The following ASTN2 variants were observed in gnomAD, a reference collection of about 807,000 sequenced individuals.
The protein encoded by ASTN2 is astrotactin 2.
ASTN2 carries 54 observed loss-of-function variants against 139.8 expected under a neutral mutation model. The ratio of observed to expected loss-of-function variants is 0.39; its 90% confidence interval spans 0.31 to 0.48. The LOEUF is 0.48. Among genes scored for constraint, ASTN2 ranks in the 20% least tolerant of loss-of-function variants. The pLI is 0.95. For synonymous variants in ASTN2, 756 were observed against 719.5 expected (o/e 1.05, Z -0.81); for missense variants, 1,565 against 1,725.1 (o/e 0.91, Z 1.64).
intron 19 of ASTN2, among the ~76,000 whole-genome samples, chr9:116,503,013 TGAAAG>T (rs960313516): frequency 4.6e-5 from 4 of 87,488 alleles, no homozygotes; most frequent in African/African-American, 1.4e-4. Flanking sequence ...GGAAGGAAGA[TGAAAG>T]GAAAGAAAAA....
chr9:116,584,878 A>C (rs1854086414), intron 19 of ASTN2: 1 of 152,234 alleles, frequency 6.6e-6, no homozygotes, highest in Admixed American at 6.5e-5. Flanking sequence ...AAGAGAAAGC[A>C]AGACTAGATG....
At chr9:117,266,072 G>T (rs1393511664) in intron 2 of ASTN2, among the ~76,000 whole-genome samples, 1 of 152,172 alleles carries the variant, frequency 6.6e-6, no homozygotes, top group African/African-American at 2.4e-5. Flanking sequence ...CCTAGGTTGT[G>T]CCAGACAGAT....
At chr9:116,730,469 G>T (rs1487553897) in intron 14 of ASTN2, among the ~76,000 whole-genome samples, 2 of 152,108 alleles carry the variant, frequency 1.3e-5, no homozygotes, top group East Asian at 1.9e-4. Context: ...GAGGTTGTTT[G>T]TTATAAATAC....
At chr9:116,510,983 G>A (rs1183142973) in intron 19 of ASTN2, among the ~76,000 whole-genome samples, 5 of 152,010 alleles carry the variant, frequency 3.3e-5, no homozygotes, top group Admixed American at 6.6e-5. Context: ...TCCTAATTGA[G>A]TACCCTTTAT....
At chr9:117,045,868 A>G (rs946445720) in intron 5 of ASTN2, among the ~76,000 whole-genome samples, 2 of 152,140 alleles carry the variant, frequency 1.3e-5, no homozygotes, top group Middle Eastern at 3.4e-3. Context: ...GTGGTGGGGG[A>G]AAGGGATTCT....
intron 6 of ASTN2, among the ~76,000 whole-genome samples, chr9:117,014,488 T>C (rs561466464): frequency 1.3e-5 from 2 of 152,280 alleles, no homozygotes; most frequent in East Asian, 3.9e-4. Flanking sequence ...TCCGGTTATC[T>C]CTGTCTTCAC....
chr9:117,202,503 T>C (rs1831759058), intron 3 of ASTN2, among the ~76,000 whole-genome samples: 1 of 152,232 alleles, frequency 6.6e-6, no homozygotes. Context: ...TATTTAGTGC[T>C]TCTTTCAGGA....
At chr9:116,760,199 G>A (rs974590425) in intron 13 of ASTN2, among the ~76,000 whole-genome samples, 1 of 152,230 alleles carries the variant, frequency 6.6e-6, no homozygotes, top group Non-Finnish European at 1.5e-5. Context: ...TCCCTGGGCT[G>A]GGATGCACAG....
chr9:117,317,659 C>A (rs961350155), intron 1 of ASTN2, among the ~76,000 whole-genome samples: 8 of 152,172 alleles, frequency 5.3e-5, no homozygotes, highest in Non-Finnish European at 1.0e-4. Flanking sequence ...TTTAAAGATG[C>A]TTTAAGTGCC....
At chr9:116,773,868 C>G (rs1400059033) in intron 13 of ASTN2, among the ~76,000 whole-genome samples, 1 of 152,114 alleles carries the variant, frequency 6.6e-6, no homozygotes, top group Admixed American at 6.5e-5. Flanking sequence ...GATTGGACCA[C>G]CCATGCACTT....
intron 17 of ASTN2, among the ~76,000 whole-genome samples, chr9:116,630,598 A>T (rs1856698250): frequency 6.6e-6 from 1 of 152,198 alleles, no homozygotes; most frequent in African/African-American, 2.4e-5. Flanking sequence ...TCTTTGCGAC[A>T]ACCAAATAAT....
chr9:116,605,994 T>C (rs2131777607), intron 19 of ASTN2, among the ~76,000 whole-genome samples: 1 of 152,202 alleles, frequency 6.6e-6, no homozygotes, highest in South Asian at 2.1e-4. Flanking sequence ...TCTTCGTAGG[T>C]CAAACAGGAG....
At chr9:116,970,240 T>C (rs1836149613) in intron 10 of ASTN2, among the ~76,000 whole-genome samples, 1 of 152,174 alleles carries the variant, frequency 6.6e-6, no homozygotes, top group Admixed American at 6.5e-5. Context: ...ATAATATTTA[T>C]AGGTTCTAGG....
chr9:116,616,853 A>G (rs1417887195), intron 19 of ASTN2, among the ~76,000 whole-genome samples: 1 of 152,138 alleles, frequency 6.6e-6, no homozygotes, highest in African/African-American at 2.4e-5. Flanking sequence ...TCACCCACAT[A>G]AAAATAACGT....
At chr9:116,608,016 A>AC (rs1855305317) in intron 19 of ASTN2, among the ~76,000 whole-genome samples, 1 of 152,194 alleles carries the variant, frequency 6.6e-6, no homozygotes, top group African/African-American at 2.4e-5. Flanking sequence ...AAATTAGGCA[A>AC]CAAAGTACAG....
intron 1 of ASTN2, among the ~76,000 whole-genome samples, chr9:117,412,928 G>A (rs1831208756): frequency 6.6e-6 from 1 of 152,194 alleles, no homozygotes; most frequent in Admixed American, 6.5e-5. Context: ...ACAGGTGCAC[G>A]TGGGAAGAGC....
chr9:116,669,689 T>C (rs1276516572), intron 16 of ASTN2, among the ~76,000 whole-genome samples: 1 of 152,220 alleles, frequency 6.6e-6, no homozygotes, highest in African/African-American at 2.4e-5. Flanking sequence ...GATGTGTCTT[T>C]TGCAAATACT....
At chr9:117,244,718 GGGAGGGAA>G (rs1833325747) in intron 2 of ASTN2, among the ~76,000 whole-genome samples, 1 of 144,950 alleles carries the variant, frequency 6.9e-6, no homozygotes, top group Non-Finnish European at 1.5e-5. Context: ...GAAGGAGAAA[GGGAGGGAA>G]GGAGGGAGTG....
chr9:116,640,852 G>A lies in ASTN2; in HGVS notation c.3072+10676C>T, dbSNP rs548457738. Among the ~76,000 whole-genome samples the A allele has an allele frequency of 2.0e-5, 3 of 152,318 alleles. No individual in the cohort carries two copies. In the South Asian group the frequency reaches 6.2e-4, roughly 32 times the overall value. On this transcript the variant is annotated intron_variant, in intron 17 of 22. Transcript: ENST00000313400. ...AGGCAGGGGTTGTTATTAGACAGGAGACTATTGAAATAGTACAGGCAAGAT... is the reference window on the plus strand; with the variant it reads ...AGGCAGGGGTTGTTATTAGACAGGAAACTATTGAAATAGTACAGGCAAGAT...
Sources: allele counts gnomAD v4.1 joint callset (sites outside exome capture counted in the v4.1 genomes callset), GRCh38; gene constraint gnomAD v4.1.1; transcripts MANE v1.5; gene names NCBI Gene and HGNC (gene_info 2026-07-23, HGNC 2026-07-21).